SEC23A: variants seen among roughly 807,000 people sequenced by gnomAD.
The protein encoded by SEC23A is SEC23 homolog A, COPII component, also known as protein transport protein Sec23A.
A neutral mutation model predicts 103.7 loss-of-function variants in SEC23A; 56 were observed. That is an observed-to-expected ratio of 0.54 (90% CI 0.44 to 0.67). The LOEUF (loss-of-function observed/expected upper bound fraction) is 0.67. SEC23A is among the 30% of genes least tolerant of loss of function. SEC23A has a pLI of 0.00. For synonymous variants in SEC23A, 281 were observed against 293.0 expected (o/e 0.96, Z 0.42); for missense variants, 784 against 936.4 (o/e 0.84, Z 2.12).
intron 13 of SEC23A, among the ~76,000 whole-genome samples, chr14:39,056,269 G>T (rs147793860): frequency 1.5e-3 from 233 of 152,202 alleles, no homozygotes; most frequent in African/African-American, 5.3e-3. Context: ...AAATCCTCCT[G>T]TTCTACTTAC....
chr14:39,054,236 T>C (rs568236886), intron 14 of SEC23A, among the ~76,000 whole-genome samples: 4 of 151,846 alleles, frequency 2.6e-5, no homozygotes, highest in Admixed American at 6.6e-5. Context: ...GATCATCTCA[T>C]TGAACTCCAG....
intron 11 of SEC23A, among the ~76,000 whole-genome samples, chr14:39,064,114 T>C (rs1035265356): frequency 6.6e-6 from 1 of 152,088 alleles, no homozygotes; most frequent in Non-Finnish European, 1.5e-5. Flanking sequence ...ACATATAATA[T>C]ATGCATTTAC....
chr14:39,053,659 GTTCACTCAA>G (rs1207862379), intron 14 of SEC23A, among the ~76,000 whole-genome samples: 1 of 151,984 alleles, frequency 6.6e-6, no homozygotes, highest in Non-Finnish European at 1.5e-5. Context: ...AACAAGTCTA[GTTCACTCAA>G]GAATTTTTAA....
chr14:39,041,001 C>T, intron 17 of SEC23A, 114 bp from the exon 18 acceptor site: 1 of 1,177,154 alleles, frequency 8.5e-7, no homozygotes, highest in Non-Finnish European at 1.1e-6. Flanking sequence ...GACCATTATT[C>T]CATTTACCTC....
At position 39,032,421 on chromosome 14, in the gene SEC23A, G is replaced by C. The variant is rs1251191822; in HGVS notation, c.*818C>G. The C allele has an allele frequency of 6.6e-6, 1 of 152,424 alleles. No homozygotes were observed. The highest frequency in any genetic ancestry group is 1.5e-5 in the Non-Finnish European group (1 of 67,956). 9.4% of individuals were successfully genotyped at this position (152,424 alleles called of 1,614,324 possible). On this transcript the variant is annotated 3_prime_UTR_variant, in exon 20 of 20. Transcript: ENST00000307712. Reference sequence around the variant, plus strand: ...GCAAAATTTACCTCTGAAAAACAAGGGGAAAACAACAAAACCATGCTGTGA... The same window carrying C: ...GCAAAATTTACCTCTGAAAAACAAGCGGAAAACAACAAAACCATGCTGTGA...
At chr14:39,033,398 T>C (rs1377230856) in intron 19 of SEC23A, 70 bp from the exon 20 acceptor site, 2 of 1,028,584 alleles carry the variant, frequency 1.9e-6, no homozygotes, top group Admixed American at 3.6e-5. Flanking sequence ...CACAAATGTT[T>C]AAAATAGACA....
At chr14:39,088,709 G>T (rs1887545201) in intron 5 of SEC23A, 1 of 151,688 alleles carries the variant, frequency 6.6e-6, no homozygotes. Context: ...CTCCAGCCCG[G>T]GTGACAGAGC....
Position 39,074,403 on chromosome 14 carries a change from T to G in SEC23A, c.1103+12A>C. On this transcript the variant is annotated intron_variant, in intron 9 of 19. Coordinates refer to ENST00000307712, the MANE Select transcript of SEC23A (RefSeq NM_006364.4). ...TTATAATTACAAAAACTGTAAAAAT[T>G]TAAATACATACCCAGTAAGGTTGGG... 6.6e-7 allele frequency: 1 copy of G among 1,524,390 alleles called. No individual in the cohort carries two copies. The highest frequency in any genetic ancestry group is 9.1e-7 in the Non-Finnish European group (1 of 1,098,940). The allele number at this position is 1,524,390 out of a possible 1,614,324, so 94.4% of individuals were successfully genotyped here. A position where few individuals can be genotyped will look rare whatever the true frequency, so the allele number is the denominator to read the frequency against.
intron 8 of SEC23A, among the ~76,000 whole-genome samples, chr14:39,075,525 A>T (rs1408985056): frequency 6.6e-6 from 1 of 152,236 alleles, no homozygotes; most frequent in African/African-American, 2.4e-5. Context: ...ACATAAAACA[A>T]CTTACAAGAA....
At chr14:39,076,377 T>C (rs546001575) in intron 7 of SEC23A, among the ~76,000 whole-genome samples, 2 of 151,158 alleles carry the variant, frequency 1.3e-5, no homozygotes, top group Non-Finnish European at 1.5e-5. Context: ...CAGGGAAGAG[T>C]GGAGAGAAAA....
At chr14:39,077,227 CAAAAAA>C (rs57549556) in intron 7 of SEC23A, among the ~76,000 whole-genome samples, 49 of 36,480 alleles carry the variant, frequency 1.3e-3, no homozygotes, top group African/African-American at 5.4e-3. Context: ...GACTCCATCT[CAAAAAA>C]AAAAAAAAAA....
rs1377821108 is a variant in SEC23A, at chr14:39,063,403, G to C, written c.1319C>G (p.Thr440Arg). The change falls in exon 12 of 20, where the codon ACA becomes AGA. Residue 440 changes from threonine (T) to arginine (R), a missense_variant. Physicochemically the swap from Thr to Arg is moderately conservative, Grantham distance 71. Transcript: ENST00000307712. ...TATCTTCCACTGACATGTGCCACCT[G>C]TTCCTATCTCCTGTAAAAATAAAAT... The part of the protein sequence containing the change: ...GPCVSENEIG[T>R]GGTCQWKICG... The C allele has an allele frequency of 5.0e-6, 8 of 1,599,500 alleles. No individual in the cohort carries two copies. The highest frequency in any genetic ancestry group is 6.9e-6 in the Non-Finnish European group (8 of 1,167,342).
At chr14:39,057,696 T>C (rs1054975863) in intron 13 of SEC23A, among the ~76,000 whole-genome samples, 9 of 152,154 alleles carry the variant, frequency 5.9e-5, no homozygotes, top group Admixed American at 4.6e-4. Flanking sequence ...GTAAAAACAA[T>C]AGGATATACG....
chr14:39,078,579 C>A (rs1244331609), intron 7 of SEC23A, among the ~76,000 whole-genome samples: 2 of 152,228 alleles, frequency 1.3e-5, no homozygotes, highest in South Asian at 2.1e-4. Flanking sequence ...AGGCCATCTG[C>A]CTGGAGAAGG....
intron 1 of SEC23A, among the ~76,000 whole-genome samples, chr14:39,098,291 G>T (rs908869381): frequency 1.3e-5 from 2 of 151,912 alleles, no homozygotes; most frequent in Admixed American, 1.3e-4. Context: ...GTGAGGGGGA[G>T]ATTAGAAATC....
At chr14:39,083,559 C>CTTACTTTT (rs1887307129) in intron 7 of SEC23A, among the ~76,000 whole-genome samples, 1 of 35,260 alleles carries the variant, frequency 2.8e-5, no homozygotes, top group East Asian at 1.1e-3. Context: ...GCAAAATAAA[C>CTTACTTTT]TTTCTTTTTT....
chr14:39,058,885 T>C (rs896469694), intron 13 of SEC23A, among the ~76,000 whole-genome samples: 1 of 152,224 alleles, frequency 6.6e-6, no homozygotes, highest in Admixed American at 6.5e-5. Context: ...GAATCAATAC[T>C]TTCTAAACTT....
At chr14:39,063,887 T>C (rs1337431077) in intron 11 of SEC23A, among the ~76,000 whole-genome samples, 1 of 152,054 alleles carries the variant, frequency 6.6e-6, no homozygotes, top group East Asian at 1.9e-4. Context: ...TCCCAGCTAT[T>C]TGGAAGGCTG....
intron 14 of SEC23A, among the ~76,000 whole-genome samples, chr14:39,053,752 T>TTTG (rs1248505020): frequency 2.0e-5 from 3 of 152,110 alleles, no homozygotes; most frequent in Non-Finnish European, 4.4e-5. Flanking sequence ...CAAATAGAGT[T>TTTG]CTCAAAAGGG....
Sources: allele counts gnomAD v4.1 joint callset (sites outside exome capture counted in the v4.1 genomes callset), GRCh38; gene constraint gnomAD v4.1.1; transcripts MANE v1.5; gene names NCBI Gene and HGNC (gene_info 2026-07-23, HGNC 2026-07-21).